Variants in TNS3 observed in about 807,000 individuals in gnomAD.
TNS3 encodes tensin 3.
TNS3 carries 45 observed loss-of-function variants against 140.9 expected under a neutral mutation model. That is an observed-to-expected ratio of 0.32 (90% CI 0.25 to 0.41). The LOEUF (loss-of-function observed/expected upper bound fraction) is 0.41. Among genes scored for constraint, TNS3 ranks in the 10% least tolerant of loss-of-function variants. TNS3 has a pLI of 1.00. For synonymous variants in TNS3, 815 were observed against 788.4 expected (o/e 1.03, Z -0.56); for missense variants, 1,716 against 1,906.7 (o/e 0.90, Z 1.86).
chr7:47,356,923 C>CAAAA (rs35835302), intron 17 of TNS3, among the ~76,000 whole-genome samples: 1 of 131,876 alleles, frequency 7.6e-6, no homozygotes, highest in African/African-American at 2.9e-5. Flanking sequence ...CAGAAAAATA[C>CAAAA]AAAAAAAAAA....
intron 2 of TNS3, among the ~76,000 whole-genome samples, chr7:47,514,483 C>T (rs1584796993): frequency 6.6e-6 from 1 of 152,304 alleles, no homozygotes; most frequent in East Asian, 1.9e-4. Flanking sequence ...GGGTTAACTG[C>T]GTGGAACAAC....
intron 2 of TNS3, among the ~76,000 whole-genome samples, chr7:47,526,940 T>C (rs1799214438): frequency 6.6e-6 from 1 of 152,188 alleles, no homozygotes; most frequent in Non-Finnish European, 1.5e-5. Context: ...TTTTAAAATA[T>C]GAGCATTTCT....
At chr7:47,361,225 C>A (rs938693196) in intron 17 of TNS3, among the ~76,000 whole-genome samples, 12,189 of 63,040 alleles carry the variant, frequency 0.19, 5 homozygotes, top group Non-Finnish European at 0.33. Flanking sequence ...AAAAAAAAAA[C>A]AAGCAAGGGC....
At chr7:47,464,856 C>T (rs1303361889) in intron 4 of TNS3, among the ~76,000 whole-genome samples, 1 of 152,208 alleles carries the variant, frequency 6.6e-6, no homozygotes, top group Non-Finnish European at 1.5e-5. Context: ...CTTCCAGCCA[C>T]TACTTAAATG....
At chr7:47,307,277 T>G (rs1282137290) in intron 20 of TNS3, among the ~76,000 whole-genome samples, 1 of 152,232 alleles carries the variant, frequency 6.6e-6, no homozygotes, top group Non-Finnish European at 1.5e-5. Flanking sequence ...TTCCTCTACT[T>G]TCACTTAAGA....
intron 2 of TNS3, among the ~76,000 whole-genome samples, chr7:47,525,620 G>A (rs1799163536): frequency 6.6e-6 from 1 of 152,238 alleles, no homozygotes; most frequent in African/African-American, 2.4e-5. Context: ...TGAACAGGAG[G>A]GATGCTCTCA....
chr7:47,364,760 G>A (rs1320440421), intron 17 of TNS3, among the ~76,000 whole-genome samples: 2 of 152,202 alleles, frequency 1.3e-5, no homozygotes, highest in African/African-American at 4.8e-5. Context: ...GAAGGGCATG[G>A]CTCACTCTGC....
chr7:47,303,680 G>A (rs984646429), intron 21 of TNS3, 96 bp from the exon 22 acceptor site: 22 of 1,421,610 alleles, frequency 1.5e-5, no homozygotes, highest in Non-Finnish European at 2.0e-5. Flanking sequence ...CAGGGATGGG[G>A]AAGTGGGTGC....
chr7:47,440,686 G>A (rs1562745538), intron 5 of TNS3, among the ~76,000 whole-genome samples: 1 of 152,150 alleles, frequency 6.6e-6, no homozygotes, highest in Non-Finnish European at 1.5e-5. Flanking sequence ...TTATGGCTGA[G>A]GGTGGTATCC....
In TNS3 at chr7:47,320,961, C is replaced by T. The variant is rs147597353; in HGVS notation, c.2651-15958G>A. Among the ~76,000 whole-genome samples, 243 of 152,326 alleles carry T rather than the reference C, an allele frequency of 1.6e-3. 2 individuals carry two copies. The highest frequency in any genetic ancestry group is 5.4e-3 in the African/African-American group (226 of 41,570). ...CCTGGCAAGCACTCGAAAGATCCAT[C>T]GCGACGAGGAAGAAATGAAAACTGA... On this transcript the variant is annotated intron_variant, in intron 20 of 30. Coordinates refer to ENST00000311160, the MANE Select transcript of TNS3 (RefSeq NM_022748.12).
rs551567648 is a variant in TNS3, at chr7:47,332,574, G to A, written c.2650+12181C>T. On this transcript the variant is annotated intron_variant, in intron 20 of 30. Coordinates refer to ENST00000311160, the MANE Select transcript of TNS3 (RefSeq NM_022748.12). ...AGGACCGCCTCCCTTCCTCAATCCC[G>A]GGATGGAGCACAATTCTCATAGACA... Among the ~76,000 whole-genome samples the A allele has an allele frequency of 3.9e-5, 6 of 151,970 alleles. No individual in the cohort carries two copies. The East Asian group carries it at 5.8e-4, about 15-fold the overall frequency.
intron 27 of TNS3, among the ~76,000 whole-genome samples, chr7:47,290,054 T>A (rs1159818370): frequency 2.6e-5 from 4 of 152,158 alleles, no homozygotes; most frequent in African/African-American, 9.7e-5. Flanking sequence ...ATAGGTCAAT[T>A]AAAGAACTCG....
At chr7:47,381,576 C>G (rs1335193366) in intron 16 of TNS3, among the ~76,000 whole-genome samples, 1 of 152,140 alleles carries the variant, frequency 6.6e-6, no homozygotes, top group Non-Finnish European at 1.5e-5. Context: ...CAATGGAAAC[C>G]CTTTTAAAAA....
At chr7:47,382,712 T>A (rs1791846062) in intron 16 of TNS3, among the ~76,000 whole-genome samples, 1 of 147,262 alleles carries the variant, frequency 6.8e-6, no homozygotes, top group South Asian at 2.2e-4. Flanking sequence ...CTGTACATAC[T>A]CAAATCCTGC....
At position 47,398,205 on chromosome 7, in the gene TNS3, G is replaced by A. The variant is rs369958195; in HGVS notation, c.920-1301C>T. Among the ~76,000 whole-genome samples the A allele has an allele frequency of 2.7e-3, 412 of 152,204 alleles. 20 individuals are homozygous for A. In the South Asian group the frequency reaches 0.083, roughly 31 times the overall value. ...ATAAAAAAGAGCCCAGGGCCAGATG[G>A]ATTCACAGCTGAATTCTACCATCCA... is the stretch of plus-strand genomic sequence containing the variant. On this transcript the variant is annotated intron_variant, in intron 15 of 30. Coordinates refer to ENST00000311160, the MANE Select transcript of TNS3 (RefSeq NM_022748.12).
chr7:47,363,416 T>A (rs887797499), intron 17 of TNS3, among the ~76,000 whole-genome samples: 1 of 152,208 alleles, frequency 6.6e-6, no homozygotes, highest in Non-Finnish European at 1.5e-5. Flanking sequence ...CCTTCACATA[T>A]AATTTTCATC....
intron 20 of TNS3, among the ~76,000 whole-genome samples, chr7:47,318,955 T>C (rs1036291829): frequency 1.3e-5 from 2 of 152,212 alleles, no homozygotes; most frequent in Non-Finnish European, 2.9e-5. Flanking sequence ...CAGGCAGAAT[T>C]CCCAGAGAAT....
chr7:47,399,139 G>A (rs1348784857), intron 15 of TNS3, among the ~76,000 whole-genome samples: 7 of 141,902 alleles, frequency 4.9e-5, no homozygotes, highest in Admixed American at 7.0e-5. Context: ...AGATCCATAC[G>A]AGGAGAACTA....
intron 20 of TNS3, among the ~76,000 whole-genome samples, chr7:47,307,400 G>A (rs971863139): frequency 2.6e-5 from 4 of 152,124 alleles, no homozygotes; most frequent in Non-Finnish European, 4.4e-5. Context: ...CCATTTACCT[G>A]TTGATGGACA....
Sources: gnomAD v4.1 joint callset for allele counts (sites outside exome capture counted in the v4.1 genomes callset) on GRCh38, gnomAD v4.1.1 for gene constraint, MANE v1.5 for transcripts, NCBI Gene and HGNC (gene_info 2026-07-23, HGNC 2026-07-21) for gene names.